The following GRIN2A variants were observed in gnomAD, a reference collection of about 807,000 sequenced individuals.
GRIN2A encodes glutamate receptor ionotropic, NMDA 2A.
Under a neutral mutation model 113.4 loss-of-function variants are expected in GRIN2A, and 22 were observed. That is an observed-to-expected ratio of 0.19 (90% CI 0.14 to 0.28). The LOEUF is 0.28. Ranked by LOEUF, GRIN2A falls within the 10% of genes least tolerant of loss-of-function variation. The pLI, the probability that GRIN2A is intolerant of heterozygous loss-of-function variation, is 1.00. For missense variants in GRIN2A, 1,502 were observed against 1,887.0 expected, an observed-to-expected ratio of 0.80 and a Z score of 3.78; for synonymous variants, 827 against 738.4, an observed-to-expected ratio of 1.12 and a Z score of -1.94.
chr16:10,014,076 C>T (rs2141876569), intron 2 of GRIN2A, among the ~76,000 whole-genome samples: 1 of 152,328 alleles, frequency 6.6e-6, no homozygotes, highest in African/African-American at 2.4e-5. Context: ...GATTGATAAG[C>T]TCTGTGAGAG....
At chr16:10,060,941 T>C (rs1333768325) in intron 2 of GRIN2A, among the ~76,000 whole-genome samples, 1 of 152,220 alleles carries the variant, frequency 6.6e-6, no homozygotes, top group East Asian at 1.9e-4. Context: ...AACTGCTGGT[T>C]TCCCACCCAA....
At chr16:9,771,537 A>C (rs1410131343) in intron 11 of GRIN2A, among the ~76,000 whole-genome samples, 3 of 152,014 alleles carry the variant, frequency 2.0e-5, no homozygotes, top group Non-Finnish European at 4.4e-5. Context: ...TTAAACCTCT[A>C]GTCTTTCAGA....
chr16:9,991,641 A>C (rs916692702), intron 2 of GRIN2A, among the ~76,000 whole-genome samples: 1 of 152,168 alleles, frequency 6.6e-6, no homozygotes, highest in Non-Finnish European at 1.5e-5. Flanking sequence ...TATAAGTGAG[A>C]ACATGTCACA....
At chr16:9,969,912 A>G (rs2045637459) in intron 2 of GRIN2A, among the ~76,000 whole-genome samples, 1 of 152,236 alleles carries the variant, frequency 6.6e-6, no homozygotes, top group African/African-American at 2.4e-5. Flanking sequence ...CAGGAGACTC[A>G]CAGGCACGCC....
Position 10,039,806 on chromosome 16 carries a change from G to GAGAGAGAGAGAGAGAGAGA in GRIN2A, c.415-101256_415-101255insTCTCTCTCTCTCTCTCTCT, listed in dbSNP as rs1555469296. Among the ~76,000 whole-genome samples, 6 of 54,560 alleles carry GAGAGAGAGAGAGAGAGAGA rather than the reference G, an allele frequency of 1.1e-4. 1 individual carries two copies. Among genetic ancestry groups the GAGAGAGAGAGAGAGAGAGA allele is most frequent in the African/African-American group, 6.3e-4 (6 of 9,588 alleles). 35.8% of individuals were successfully genotyped at this position (54,560 alleles called of 152,430 possible). A position where few individuals can be genotyped will look rare whatever the true frequency, so the allele number is the denominator to read the frequency against. On this transcript the variant is annotated intron_variant, in intron 2 of 12. Transcript: ENST00000330684. ...GGAGGGGGAGGGGGAGGGGGAGGGGGGGGAGAAAGAGAGAGAGAGAGAGAG... is the reference window on the plus strand; with the variant it reads ...GGAGGGGGAGGGGGAGGGGGAGGGGGAGAGAGAGAGAGAGAGAGAGGGAGAAAGAGAGAGAGAGAGAGAG...
chr16:9,944,413 C>G (rs777801094), intron 2 of GRIN2A, among the ~76,000 whole-genome samples: 24 of 152,088 alleles, frequency 1.6e-4, no homozygotes, highest in Non-Finnish European at 3.1e-4. Context: ...TCCACCACCA[C>G]CCACCTCCCT....
intron 2 of GRIN2A, among the ~76,000 whole-genome samples, chr16:10,080,012 G>C (rs1294234613): frequency 1.3e-5 from 2 of 152,184 alleles, no homozygotes; most frequent in African/African-American, 2.4e-5. Flanking sequence ...GAATGATCAT[G>C]GAACTGAATT....
intron 2 of GRIN2A, among the ~76,000 whole-genome samples, chr16:9,981,184 T>G (rs1373220721): frequency 1.3e-5 from 2 of 152,148 alleles, no homozygotes; most frequent in Non-Finnish European, 2.9e-5. Flanking sequence ...ATGCCATCCA[T>G]GCTGTTTGTT....
chr16:9,840,865 C>T (rs1401901605), intron 6 of GRIN2A, 65 bp from the exon 7 acceptor site: 2 of 1,594,102 alleles, frequency 1.3e-6, no homozygotes, highest in African/African-American at 2.7e-5. Context: ...CTTTACTTTT[C>T]CTGCTAACAT....
intron 4 of GRIN2A, among the ~76,000 whole-genome samples, chr16:9,881,210 T>A (rs1179404465): frequency 1.3e-5 from 2 of 152,370 alleles, no homozygotes; most frequent in East Asian, 3.9e-4. Context: ...TGCCTTGTTA[T>A]TCTCTCATTT....
intron 2 of GRIN2A, among the ~76,000 whole-genome samples, chr16:10,092,377 T>C (rs1018727082): frequency 2.0e-5 from 3 of 152,206 alleles, no homozygotes; most frequent in African/African-American, 7.2e-5. Context: ...TGTGAGGTCT[T>C]CCCACGTTAG....
intron 7 of GRIN2A, among the ~76,000 whole-genome samples, chr16:9,838,408 A>G (rs1355701129): frequency 2.0e-5 from 3 of 152,210 alleles, no homozygotes; most frequent in African/African-American, 7.2e-5. Flanking sequence ...TGAGCCCATC[A>G]ACTGATGATT....
intron 2 of GRIN2A, among the ~76,000 whole-genome samples, chr16:10,174,693 A>G (rs939281291): frequency 6.6e-6 from 1 of 152,186 alleles, no homozygotes; most frequent in Non-Finnish European, 1.5e-5. Flanking sequence ...GTTGAAATCT[A>G]TAACTCAACA....
chr16:9,829,052 T>C (rs1344976437), intron 9 of GRIN2A, among the ~76,000 whole-genome samples: 2 of 152,134 alleles, frequency 1.3e-5, no homozygotes, highest in Non-Finnish European at 2.9e-5. Context: ...CACCCCAATT[T>C]CTTCTCATCC....
At chr16:9,955,027 G>C (rs1181756077) in intron 2 of GRIN2A, among the ~76,000 whole-genome samples, 1 of 152,208 alleles carries the variant, frequency 6.6e-6, no homozygotes, top group Non-Finnish European at 1.5e-5. Flanking sequence ...ACTGTCTGAA[G>C]TTGGGGATGA....
At chr16:9,792,927 T>C (rs1402831140) in intron 11 of GRIN2A, among the ~76,000 whole-genome samples, 4 of 152,242 alleles carry the variant, frequency 2.6e-5, no homozygotes, top group Non-Finnish European at 5.9e-5. Context: ...TCTATAAAAG[T>C]CTGAACAGGG....
At chr16:9,887,450 C>A (rs1018680287) in intron 4 of GRIN2A, among the ~76,000 whole-genome samples, 1 of 152,128 alleles carries the variant, frequency 6.6e-6, no homozygotes, top group African/African-American at 2.4e-5. Flanking sequence ...CATGTCTTCA[C>A]GTAATATAAT....
In GRIN2A at chr16:9,937,117, C is replaced by A. The variant is rs867756916; in HGVS notation, c.1007+842G>T. On this transcript the variant is annotated intron_variant, in intron 3 of 12. Coordinates refer to ENST00000330684, the MANE Select transcript of GRIN2A (RefSeq NM_001134407.3). ...ATGTTTATAAGACAAATGATGAATT[C>A]TTGAGGTGATGAAAACCCCATTTAC... Among the ~76,000 whole-genome samples the A allele has an allele frequency of 1.4e-3, 217 of 152,084 alleles. 4 individuals carry two copies. The highest frequency in any genetic ancestry group is 3.2e-3 in the Middle Eastern group (1 of 316).
intron 2 of GRIN2A, among the ~76,000 whole-genome samples, chr16:9,991,545 C>G (rs2046112755): frequency 6.6e-6 from 1 of 152,150 alleles, no homozygotes; most frequent in Non-Finnish European, 1.5e-5. Context: ...CATTCTTCAC[C>G]TCCTCCCATT....
Sources: gnomAD v4.1 joint callset for allele counts (sites outside exome capture counted in the v4.1 genomes callset) on GRCh38, gnomAD v4.1.1 for gene constraint, MANE v1.5 for transcripts, NCBI Gene and HGNC (gene_info 2026-07-23, HGNC 2026-07-21) for gene names.